Variants in DNAI1 observed in about 807,000 individuals in gnomAD.
DNAI1 encodes dynein, axonemal, intermediate polypeptide 1.
In DNAI1, 67 loss-of-function variants were observed where a neutral mutation model predicts 92.0. That is an observed-to-expected ratio of 0.73 (90% CI 0.60 to 0.89). The LOEUF is 0.89. Ranked by LOEUF, DNAI1 falls within the 40% of genes least tolerant of loss-of-function variation. The pLI, the probability that DNAI1 is intolerant of heterozygous loss-of-function variation, is 0.00. For missense variants in DNAI1, 839 were observed against 866.6 expected (o/e 0.97, Z 0.40); for synonymous variants, 323 against 319.6 (o/e 1.01, Z -0.11).
chr9:34,512,219 G>T (rs1313737029), intron 14 of DNAI1, 21 bp downstream of exon 14: 3 of 1,612,154 alleles, frequency 1.9e-6, no homozygotes, highest in Non-Finnish European at 2.5e-6. Flanking sequence ...CCCAGAGAGG[G>T]TCACACTGGG....
chr9:34,467,915 G>A (rs1236862071), intron 1 of DNAI1, among the ~76,000 whole-genome samples: 1 of 152,198 alleles, frequency 6.6e-6, no homozygotes, highest in African/African-American at 2.4e-5. Context: ...GCTCAGAGAG[G>A]TAGATCCAAA....
chr9:34,502,592 T>C (rs1587081521), intron 12 of DNAI1, among the ~76,000 whole-genome samples: 1 of 152,082 alleles, frequency 6.6e-6, no homozygotes, highest in Admixed American at 6.6e-5. Context: ...GTGGAGGCTG[T>C]CGTGGGGGCT....
chr9:34,513,637 C>T (rs1825115977), intron 16 of DNAI1, among the ~76,000 whole-genome samples: 1 of 152,194 alleles, frequency 6.6e-6, no homozygotes, highest in Admixed American at 6.5e-5. Context: ...GGTGAACGTC[C>T]TTCTGAACTT....
chr9:34,465,894 G>A (rs1485834907), intron 1 of DNAI1, among the ~76,000 whole-genome samples: 1 of 152,232 alleles, frequency 6.6e-6, no homozygotes, highest in Admixed American at 6.5e-5. Flanking sequence ...CACAGCTGTT[G>A]TAACTTTAGT....
intron 4 of DNAI1, chr9:34,488,130 A>G: frequency 2.7e-6 from 1 of 364,918 alleles, no homozygotes; most frequent in Non-Finnish European, 5.5e-6. Flanking sequence ...TGTGTCAGAC[A>G]CTGTGTTAAT....
intron 16 of DNAI1, 84 bp downstream of exon 16, chr9:34,513,275 T>C (rs1450302510): frequency 1.8e-6 from 2 of 1,082,808 alleles, no homozygotes; most frequent in Non-Finnish European, 2.9e-6. Context: ...AGATCCTATT[T>C]TGATGGATTT....
At chr9:34,501,292 A>C (rs1824826558) in intron 12 of DNAI1, 111 bp downstream of exon 12, 2 of 926,786 alleles carry the variant, frequency 2.2e-6, no homozygotes, top group Non-Finnish European at 3.6e-6. Context: ...GACTGCCCGC[A>C]GGGGGCTCAC....
intron 1 of DNAI1, among the ~76,000 whole-genome samples, chr9:34,466,749 T>A (rs1161954638): frequency 2.0e-5 from 3 of 152,230 alleles, no homozygotes. Context: ...TCTCCACATC[T>A]CTCACAGCCT....
intron 12 of DNAI1, among the ~76,000 whole-genome samples, chr9:34,503,398 C>T (rs1824869890): frequency 6.6e-6 from 1 of 152,206 alleles, no homozygotes; most frequent in Non-Finnish European, 1.5e-5. Flanking sequence ...GCATCCATCA[C>T]ACTGTCTTTG....
chr9:34,519,677 A>T (rs1174876959), intron 19 of DNAI1, among the ~76,000 whole-genome samples: 1 of 152,170 alleles, frequency 6.6e-6, no homozygotes, highest in Non-Finnish European at 1.5e-5. Context: ...GAGCCAGGGA[A>T]GGGCCTACTG....
In DNAI1 at chr9:34,485,168, A is replaced by G. The variant is rs774972481; in HGVS notation, c.108A>G (p.Gly36=). 3 of 1,614,068 alleles carry G rather than the reference A, an allele frequency of 1.9e-6. No homozygotes were observed. Among genetic ancestry groups the G allele is most frequent in the Middle Eastern group, 1.6e-4 (1 of 6,084 alleles). ...ATGAAGATTCAGGGACTGAAGTGGGAGAAGGCACAGATGAATGGGCCCAAT... is the reference window on the plus strand; with the variant it reads ...ATGAAGATTCAGGGACTGAAGTGGGGGAAGGCACAGATGAATGGGCCCAAT... ...KRDEDSGTEV[G]EGTDEWAQSK... The change falls in exon 3 of 20, where the codon GGA becomes GGG. Residue 36 remains glycine, a synonymous_variant. Coordinates refer to ENST00000242317, the MANE Select transcript of DNAI1 (RefSeq NM_012144.4).
chr9:34,503,302 A>T (rs1242471947), intron 12 of DNAI1, among the ~76,000 whole-genome samples: 1 of 152,166 alleles, frequency 6.6e-6, no homozygotes, highest in African/African-American at 2.4e-5. Flanking sequence ...GAGTGCCTCC[A>T]TGGGAGAAAG....
intron 1 of DNAI1, among the ~76,000 whole-genome samples, chr9:34,462,837 T>C (rs1447827584): frequency 6.6e-6 from 1 of 152,240 alleles, no homozygotes; most frequent in East Asian, 1.9e-4. Context: ...CATGCAGTAA[T>C]TATTTATCGT....
intron 13 of DNAI1, among the ~76,000 whole-genome samples, chr9:34,511,673 A>G (rs1365284283): frequency 6.6e-6 from 1 of 152,206 alleles, no homozygotes; most frequent in Non-Finnish European, 1.5e-5. Context: ...ATTTCTCATA[A>G]CAAACCTATG....
chr9:34,467,129 T>G (rs548733124), intron 1 of DNAI1, among the ~76,000 whole-genome samples: 1 of 152,358 alleles, frequency 6.6e-6, no homozygotes, highest in East Asian at 1.9e-4. Context: ...CCATATTGTT[T>G]CTGGTAAATC....
At chr9:34,519,790 G>C (rs1228338863) in intron 19 of DNAI1, among the ~76,000 whole-genome samples, 3 of 152,158 alleles carry the variant, frequency 2.0e-5, no homozygotes, top group Admixed American at 2.0e-4. Context: ...CTGAGAGGAT[G>C]GGGGCCCAGG....
chr9:34,519,083 A>G (rs923166553), intron 19 of DNAI1, among the ~76,000 whole-genome samples: 6 of 152,196 alleles, frequency 3.9e-5, no homozygotes, highest in African/African-American at 1.4e-4. Flanking sequence ...GAGAAGGGAC[A>G]GGTGGGGGCT....
chr9:34,497,807 GA>G (rs1462638958), intron 10 of DNAI1, among the ~76,000 whole-genome samples: 1 of 152,180 alleles, frequency 6.6e-6, no homozygotes, highest in Admixed American at 6.5e-5. Context: ...GGATGTTCTG[GA>G]CAGGGATGGC....
intron 13 of DNAI1, among the ~76,000 whole-genome samples, chr9:34,511,442 G>A (rs1449933689): frequency 1.3e-5 from 2 of 152,142 alleles, no homozygotes; most frequent in Non-Finnish European, 2.9e-5. Context: ...GTGGGAAAGA[G>A]GAGACACTTC....
Sources: allele counts gnomAD v4.1 joint callset (sites outside exome capture counted in the v4.1 genomes callset), GRCh38; gene constraint gnomAD v4.1.1; transcripts MANE v1.5; gene names NCBI Gene and HGNC (gene_info 2026-07-23, HGNC 2026-07-21).